The following RELA variants were observed in gnomAD, a reference collection of about 807,000 sequenced individuals.
RELA encodes RELA proto-oncogene, NF-kB subunit, also known as transcription factor p65.
A neutral mutation model predicts 56.7 loss-of-function variants in RELA; 14 were observed. The observed-to-expected ratio is 0.25, with a 90% confidence interval of 0.16 to 0.39. RELA has a LOEUF of 0.39. Among genes scored for constraint, RELA ranks in the 10% least tolerant of loss-of-function variants. The pLI is 1.00. For synonymous variants in RELA, 315 were observed against 289.7 expected, an observed-to-expected ratio of 1.09 and a Z score of -0.89; for missense variants, 559 against 736.4, an observed-to-expected ratio of 0.76 and a Z score of 2.79.
chr11:65,661,611 G>T, intron 4 of RELA, 76 bp downstream of exon 4: 1 of 1,396,698 alleles, frequency 7.2e-7, no homozygotes, highest in East Asian at 2.3e-5. Context: ...CCAGAAAGGA[G>T]TAACACTGTA....
intron 6 of RELA, 47 bp downstream of exon 6, chr11:65,659,619 T>C: frequency 6.2e-7 from 1 of 1,609,946 alleles, no homozygotes; most frequent in Non-Finnish European, 8.5e-7. Flanking sequence ...CCCTTCCTCC[T>C]ATTCAGGCCC....
intron 1 of RELA, 176 bp downstream of exon 1, chr11:65,662,650 G>A (rs1321639625): frequency 4.8e-6 from 2 of 417,918 alleles, no homozygotes; most frequent in Non-Finnish European, 7.8e-6. Context: ...ACCCAGAGGG[G>A]AAACTGAGTC....
chr11:65,655,248 G>C, intron 10 of RELA: 1 of 578,800 alleles, frequency 1.7e-6, no homozygotes, highest in Admixed American at 3.2e-5. Context: ...TTTAGAGGAA[G>C]GGACACTTGG....
chr11:65,662,788 C>T (rs1856607614), intron 1 of RELA, 38 bp downstream of exon 1: 3 of 1,197,066 alleles, frequency 2.5e-6, no homozygotes, highest in African/African-American at 3.2e-5. Context: ...GCGGCGGCCC[C>T]GGCGATGCCA....
At chr11:65,656,445 C>T (rs1856431105) in intron 8 of RELA, among the ~76,000 whole-genome samples, 1 of 152,230 alleles carries the variant, frequency 6.6e-6, no homozygotes, top group African/African-American at 2.4e-5. Context: ...TCAATTCCAT[C>T]AATTCAAAGA....
intron 1 of RELA, 136 bp downstream of exon 1, chr11:65,662,690 C>T (rs1856604156): frequency 4.6e-6 from 3 of 648,900 alleles, no homozygotes; most frequent in Non-Finnish European, 2.1e-6. Flanking sequence ...CCGCCCCGCG[C>T]CACCATCCGG....
At chr11:65,655,483 T>C in intron 10 of RELA, 3 of 595,254 alleles carry the variant, frequency 5.0e-6, no homozygotes, top group Admixed American at 3.0e-5. Flanking sequence ...ATTCCCAAGA[T>C]ACCCAATATA....
rs1225180222 is a variant in RELA at position 65,662,195 on chromosome 11, G to A, written c.18C>T (p.Pro6=). 1.3e-6 allele frequency: 2 copies of A among 1,584,504 alleles called. No homozygotes were observed. Among genetic ancestry groups the A allele is most frequent in the Non-Finnish European group, 1.7e-6 (2 of 1,169,998 alleles). Residue 6 remains proline, a synonymous_variant, in exon 2 of 11, where the codon CCC becomes CCT. Transcript: ENST00000406246. Reference sequence around the variant, plus strand: ...GCCACTTACCTGCCGGGAAGATGAGGGGGAACAGTTCTGAAAGGGGAGGGA... The same window carrying A: ...GCCACTTACCTGCCGGGAAGATGAGAGGGAACAGTTCTGAAAGGGGAGGGA... MDELF[P]LIFPAEPAQA...
Position 65,658,513 on chromosome 11 carries a change from G to C in RELA, c.665-14C>G. On this transcript the variant is annotated splice_polypyrimidine_tract_variant and intron_variant, in intron 7 of 10. Transcript: ENST00000406246. This position sits in a 1 kb window ranked among gnomAD's most constrained non-coding sequence, Gnocchi z 4.5. The stretch of plus-strand genomic sequence containing the variant: ...CCTCAATGTCCTCTGCAGGAGATGC[G>C]GTGGCAGTGTGGGTCAGTGTGTCTA... 1 of 1,586,182 alleles carries C rather than the reference G, an allele frequency of 6.3e-7. No individual in the cohort carries two copies. The highest frequency in any genetic ancestry group is 8.6e-7 in the Non-Finnish European group (1 of 1,160,352).
Position 65,654,951 on chromosome 11 carries a change from A to C in RELA, c.1083T>G (p.Asp361Glu), listed in dbSNP as rs1310254235. 2 of 1,604,652 alleles carry C rather than the reference A, an allele frequency of 1.2e-6. No homozygotes were observed. The highest frequency in any genetic ancestry group is 1.7e-6 in the Non-Finnish European group (2 of 1,176,222). The change falls in exon 11 of 11, where the codon GAT becomes GAG. Residue 361 changes from aspartate to glutamate, a missense_variant. Coordinates refer to ENST00000406246, the MANE Select transcript of RELA (RefSeq NM_021975.4). The stretch of plus-strand genomic sequence containing the variant: ...AAGGAAACACCATGGTGGGAAACTC[A>C]TCATAGTTGATGGTGCTCAGGGATG... ...FTSSLSTINY[D>E]EFPTMVFPSG...
chr11:65,655,329 C>A, intron 10 of RELA: 1 of 567,690 alleles, frequency 1.8e-6, no homozygotes, highest in Non-Finnish European at 3.1e-6. Flanking sequence ...CCATGGAGCA[C>A]CAAGTGAGCA....
At chr11:65,661,202 T>C (rs1856557315) in intron 4 of RELA, among the ~76,000 whole-genome samples, 1 of 152,158 alleles carries the variant, frequency 6.6e-6, no homozygotes, top group Non-Finnish European at 1.5e-5. Context: ...TAATTTCTTA[T>C]TTTTTGTAGA....
intron 8 of RELA, among the ~76,000 whole-genome samples, chr11:65,657,430 G>A (rs965420496): frequency 2.0e-5 from 3 of 152,100 alleles, no homozygotes; most frequent in Admixed American, 6.6e-5. Flanking sequence ...TCTTCTACAC[G>A]TGGCCTCCTG....
chr11:65,661,037 TAAAAAAAAAA>T (rs34431664), intron 4 of RELA, among the ~76,000 whole-genome samples: 2 of 109,258 alleles, frequency 1.8e-5, no homozygotes, highest in African/African-American at 7.3e-5. Context: ...GACTCTTTCT[TAAAAAAAAAA>T]AAAAAAAAAA....
intron 8 of RELA, among the ~76,000 whole-genome samples, chr11:65,656,977 G>A (rs934158262): frequency 1.3e-5 from 2 of 152,146 alleles, no homozygotes; most frequent in African/African-American, 4.8e-5. Flanking sequence ...AGTGAGCCGA[G>A]ATTGCACCAC....
chr11:65,656,643 G>A (rs556542878), intron 8 of RELA, among the ~76,000 whole-genome samples: 1 of 152,350 alleles, frequency 6.6e-6, no homozygotes, highest in Admixed American at 6.5e-5. Context: ...CACTGGGGAT[G>A]TGGCCGTGAG....
chr11:65,653,868 C>G lies in RELA; in HGVS notation c.*510G>C, dbSNP rs11568304. 1,305 of 197,378 alleles carry G rather than the reference C, an allele frequency of 6.6e-3. 7 individuals carry two copies. Among genetic ancestry groups the G allele is most frequent in the Non-Finnish European group, 8.6e-3 (815 of 94,908 alleles). The allele number at this position is 197,378 out of a possible 1,614,324, so 12.2% of individuals were successfully genotyped here. On this transcript the variant is annotated 3_prime_UTR_variant, in exon 11 of 11. Coordinates refer to ENST00000406246, the MANE Select transcript of RELA (RefSeq NM_021975.4). ...GAGCAAGGAAAGAGCCGGCAGAGAC[C>G]TCTGTAGGGCAGGAAGGCCAGCCCC...
At position 65,654,858 on chromosome 11, in the gene RELA, G is replaced by A. The variant is rs1424340926; in HGVS notation, c.1176C>T (p.Ala392=). The change falls in exon 11 of 11, where the codon GCC becomes GCT. Residue 392 remains alanine (A), a synonymous_variant. Transcript: ENST00000406246. ...APPQVLPQAP[A]PAPAPAMVSA... ...ATACCATGGCTGGAGCAGGGGCAGG[G>A]GCTGGAGCCTGGGGCAGGACTTGGG... 6.4e-6 allele frequency: 10 copies of A among 1,565,902 alleles called. No individual in the cohort carries two copies. In the South Asian group the frequency reaches 8.1e-5, roughly 13 times the overall value.
rs1237699318 is a variant in RELA, at chr11:65,662,098, G to A, written c.35-10C>T. ...GAGGCCTGGGCTGGCTCTGCCAGGG[G>A]ACACCGCAGCCCCATTAGGCGGCTG... On this transcript the variant is annotated splice_polypyrimidine_tract_variant and intron_variant, in intron 2 of 10. Coordinates refer to ENST00000406246, the MANE Select transcript of RELA (RefSeq NM_021975.4). 1.9e-6 allele frequency: 3 copies of A among 1,608,604 alleles called. No individual in the cohort carries two copies. Among genetic ancestry groups the A allele is most frequent in the Admixed American group, 1.7e-5 (1 of 59,024 alleles).
Sources: gnomAD v4.1 joint callset for allele counts (sites outside exome capture counted in the v4.1 genomes callset) on GRCh38, gnomAD v4.1.1 for gene constraint, Gnocchi (gnomAD v3.1) non-coding constraint, MANE v1.5 for transcripts, NCBI Gene and HGNC (gene_info 2026-07-23, HGNC 2026-07-21) for gene names.